Variants in HMGCLL1 observed in about 807,000 individuals in gnomAD.
HMGCLL1 encodes 3-hydroxy-3-methylglutaryl-CoA lyase like 1.
A neutral mutation model predicts 39.1 loss-of-function variants in HMGCLL1; 36 were observed. The observed-to-expected ratio is 0.92, with a 90% CI of 0.71 to 1.22. HMGCLL1 has a LOEUF of 1.22. Ranked by LOEUF, HMGCLL1 falls within the 50% of genes most tolerant of loss-of-function variation. The probability of loss-of-function intolerance (pLI) is 0.00; values close to 1 mark genes in which losing one functional copy is unlikely to be tolerated. For synonymous variants in HMGCLL1, 149 were observed against 144.0 expected, an observed-to-expected ratio of 1.03 and a Z score of -0.25; for missense variants, 451 against 416.5, an observed-to-expected ratio of 1.08 and a Z score of -0.72.
At chr6:55,627,642 G>C in the HMGCLL1 span, among the ~76,000 whole-genome samples, 1 of 150,722 alleles carries the variant, frequency 6.6e-6, no homozygotes, top group Admixed American at 6.7e-5. Flanking sequence ...CCTTAATCTT[G>C]TGGGCACAAT....
the HMGCLL1 span, among the ~76,000 whole-genome samples, chr6:55,590,186 T>G: frequency 6.6e-6 from 1 of 152,144 alleles, no homozygotes. Flanking sequence ...AACAGCATGG[T>G]ACTGTTACTA....
chr6:55,481,117 A>T (rs529976998), intron 7 of HMGCLL1, among the ~76,000 whole-genome samples: 1 of 152,276 alleles, frequency 6.6e-6, no homozygotes, highest in South Asian at 2.1e-4. Context: ...ACAGTGGCTC[A>T]CGCCTAGAAT....
intron 7 of HMGCLL1, among the ~76,000 whole-genome samples, chr6:55,479,362 G>T (rs1052449609): frequency 6.6e-6 from 1 of 151,430 alleles, no homozygotes; most frequent in Admixed American, 6.6e-5. Flanking sequence ...CTTGTATTTT[G>T]GTGCTGCCTA....
chr6:55,661,771 A>G, the HMGCLL1 span, among the ~76,000 whole-genome samples: 2 of 151,802 alleles, frequency 1.3e-5, no homozygotes, highest in Non-Finnish European at 2.9e-5. Flanking sequence ...GTGGTTTGAT[A>G]GGAATAGCAT....
chr6:55,509,574 T>G (rs541643157), intron 5 of HMGCLL1, among the ~76,000 whole-genome samples: 1 of 151,974 alleles, frequency 6.6e-6, no homozygotes, highest in South Asian at 2.1e-4. Flanking sequence ...TGTGTGTAGT[T>G]ATAAATTATC....
intron 1 of HMGCLL1, among the ~76,000 whole-genome samples, chr6:55,569,421 A>G (rs1403958710): frequency 1.3e-5 from 2 of 152,214 alleles, no homozygotes; most frequent in Non-Finnish European, 2.9e-5. Flanking sequence ...AATTTCCTCT[A>G]TATTTAATAA....
At chr6:55,467,920 A>G (rs1189659069) in intron 7 of HMGCLL1, among the ~76,000 whole-genome samples, 7 of 152,164 alleles carry the variant, frequency 4.6e-5, no homozygotes, top group African/African-American at 1.4e-4. Context: ...GTACAGGAGC[A>G]TAGCTTAGAA....
intron 1 of HMGCLL1, among the ~76,000 whole-genome samples, chr6:55,570,380 G>A (rs953156386): frequency 6.6e-6 from 1 of 152,176 alleles, no homozygotes; most frequent in African/African-American, 2.4e-5. Flanking sequence ...CTCTCAAGGA[G>A]AGCCTGCTTA....
intron 7 of HMGCLL1, among the ~76,000 whole-genome samples, chr6:55,478,969 T>C (rs1765593376): frequency 6.6e-6 from 1 of 151,616 alleles, no homozygotes; most frequent in Non-Finnish European, 1.5e-5. Context: ...ATACTATGGC[T>C]CTGAGCATCC....
chr6:55,542,092 C>A lies in HMGCLL1; in HGVS notation c.157G>T (p.Val53Phe), dbSNP rs1442559719. 4 of 1,611,032 alleles carry A rather than the reference C, an allele frequency of 2.5e-6. No homozygotes were observed. The highest frequency in any genetic ancestry group is 3.4e-6 in the Non-Finnish European group (4 of 1,177,884). ...GLPEFVKIVEVGPRDGLQNEK... is the reference protein window; with the variant it reads ...GLPEFVKIVEFGPRDGLQNEK... ...TTCTGCAATCCATCCCTAGGCCCAA[C>A]TTCTACTATTTTAACAAACTCAGGG... The change falls in exon 2 of 9, where the codon GTT becomes TTT. Residue 53 changes from valine (V) to phenylalanine (F), a missense_variant. Physicochemically the swap from Val to Phe is conservative, Grantham distance 50 (BLOSUM62 -1). Coordinates refer to ENST00000274901, the MANE Select transcript of HMGCLL1 (RefSeq NM_001042406.2).
intron 3 of HMGCLL1, among the ~76,000 whole-genome samples, chr6:55,529,678 T>C (rs1296909347): frequency 6.6e-6 from 1 of 152,206 alleles, no homozygotes; most frequent in East Asian, 1.9e-4. Context: ...ATTTTATAAC[T>C]CATTTACAGA....
chr6:55,485,832 T>C (rs1411836161), intron 7 of HMGCLL1, among the ~76,000 whole-genome samples: 1 of 151,796 alleles, frequency 6.6e-6, no homozygotes, highest in Non-Finnish European at 1.5e-5. Flanking sequence ...TATATAAACC[T>C]AGTGAGTGTA....
chr6:55,500,108 T>G (rs1226287672), intron 5 of HMGCLL1, among the ~76,000 whole-genome samples: 1 of 151,996 alleles, frequency 6.6e-6, no homozygotes, highest in African/African-American at 2.4e-5. Flanking sequence ...TAGGAATGAA[T>G]GAAGCAAGCT....
At chr6:55,533,675 A>G (rs1373485543) in intron 3 of HMGCLL1, among the ~76,000 whole-genome samples, 3 of 151,750 alleles carry the variant, frequency 2.0e-5, no homozygotes, top group African/African-American at 7.2e-5. Context: ...TCACGAGGTC[A>G]GGAGATCGAG....
At chr6:55,666,635 G>T in the HMGCLL1 span, among the ~76,000 whole-genome samples, 1 of 151,686 alleles carries the variant, frequency 6.6e-6, no homozygotes, top group South Asian at 2.1e-4. Context: ...TCTAGCTAAT[G>T]GAGCATGGAG....
At chr6:55,494,424 G>A (rs557370218) in intron 7 of HMGCLL1, among the ~76,000 whole-genome samples, 2 of 152,238 alleles carry the variant, frequency 1.3e-5, no homozygotes, top group South Asian at 2.1e-4. Flanking sequence ...AGAATACCTA[G>A]GGAAGGAAAA....
chr6:55,620,646 G>C, the HMGCLL1 span, among the ~76,000 whole-genome samples: 330 of 138,554 alleles, frequency 2.4e-3, 2 homozygotes, highest in African/African-American at 7.0e-3. Context: ...CACACACACA[G>C]ACACACAGAC....
chr6:55,634,275 G>A, the HMGCLL1 span, among the ~76,000 whole-genome samples: 1 of 152,002 alleles, frequency 6.6e-6, no homozygotes. Flanking sequence ...GGAGGGGCAT[G>A]GGGAGGAATG....
At chr6:55,647,957 C>T in the HMGCLL1 span, among the ~76,000 whole-genome samples, 1 of 104,738 alleles carries the variant, frequency 9.5e-6, no homozygotes, top group Admixed American at 1.1e-4. Flanking sequence ...GTGTGATATT[C>T]CCCTTCCTGT....
Sources: gnomAD v4.1 joint callset for allele counts (sites outside exome capture counted in the v4.1 genomes callset) on GRCh38, gnomAD v4.1.1 for gene constraint, MANE v1.5 for transcripts, NCBI Gene and HGNC (gene_info 2026-07-23, HGNC 2026-07-21) for gene names.